ADHFE1: variants seen among roughly 807,000 people sequenced by gnomAD.
ADHFE1 encodes the protein alcohol dehydrogenase iron containing 1, also known as hydroxyacid-oxoacid transhydrogenase, mitochondrial.
A neutral mutation model predicts 54.8 loss-of-function variants in ADHFE1; 37 were observed. The ratio of observed to expected loss-of-function variants is 0.68; its 90% CI spans 0.52 to 0.89. The LOEUF (loss-of-function observed/expected upper bound fraction) is 0.89, where lower values mean the gene tolerates loss of function less well. Ranked by LOEUF, ADHFE1 falls within the 40% of genes least tolerant of loss-of-function variation. The pLI is 0.00. For synonymous variants in ADHFE1, 203 were observed against 229.3 expected, an observed-to-expected ratio of 0.89 and a Z score of 1.04; for missense variants, 601 against 591.2, an observed-to-expected ratio of 1.02 and a Z score of -0.17.
chr8:66,439,564 G>C lies in ADHFE1; in HGVS notation c.60-598G>C. 15 of 986,042 alleles carry C rather than the reference G, an allele frequency of 1.5e-5. No homozygotes were observed. Among genetic ancestry groups the C allele is most frequent in the Non-Finnish European group, 1.8e-5 (15 of 830,366 alleles). The allele number at this position is 986,042 out of a possible 1,614,324, so 61.1% of individuals were successfully genotyped here. A position where few individuals can be genotyped will look rare whatever the true frequency, so the allele number is the denominator to read the frequency against. ...GGGTGTGCGCGCAGCTGGGGCCTCT[G>C]GGGAGCGGCGCGGCGGGGACGGAGG... is the stretch of plus-strand genomic sequence containing the variant. On this transcript the variant is annotated intron_variant, in intron 1 of 13. Coordinates refer to ENST00000396623, the MANE Select transcript of ADHFE1 (RefSeq NM_144650.3). The surrounding 1 kb of genome is among the most constrained non-coding windows in gnomAD (Gnocchi z 4.4).
At chr8:66,446,625 A>G (rs752434762) in intron 6 of ADHFE1, among the ~76,000 whole-genome samples, 1 of 151,924 alleles carries the variant, frequency 6.6e-6, no homozygotes, top group Admixed American at 6.6e-5. Flanking sequence ...GTTAATACAG[A>G]CAGACACCAT....
chr8:66,467,742 G>T (rs1344916177), intron 13 of ADHFE1, among the ~76,000 whole-genome samples: 1 of 152,138 alleles, frequency 6.6e-6, no homozygotes, highest in African/African-American at 2.4e-5. Context: ...AATCATTGGA[G>T]AAATTAACAA....
At chr8:66,434,128 A>C (rs1024108115) in intron 1 of ADHFE1, among the ~76,000 whole-genome samples, 1 of 152,204 alleles carries the variant, frequency 6.6e-6, no homozygotes, top group Non-Finnish European at 1.5e-5. Context: ...AGAAATGCTG[A>C]GAGGTTGGTT....
At chr8:66,457,210 G>A in intron 12 of ADHFE1, 44 bp downstream of exon 12, 1 of 1,574,086 alleles carries the variant, frequency 6.4e-7, no homozygotes, top group African/African-American at 1.4e-5. Context: ...CAGGCACGGT[G>A]GCTCCCATCT....
At chr8:66,457,331 A>G (rs1806639150) in intron 12 of ADHFE1, among the ~76,000 whole-genome samples, 165 bp downstream of exon 12, 1 of 147,280 alleles carries the variant, frequency 6.8e-6, no homozygotes, top group African/African-American at 2.6e-5. Flanking sequence ...AAAAAAAAAT[A>G]GCCGTGTACA....
At chr8:66,459,430 A>ATATATATATATTTT (rs1191407388) in intron 12 of ADHFE1, 1 of 126,808 alleles carries the variant, frequency 7.9e-6, no homozygotes, top group Non-Finnish European at 1.6e-5. Flanking sequence ...ATATATATAT[A>ATATATATATATTTT]TTTTTTTTTT....
intron 1 of ADHFE1, among the ~76,000 whole-genome samples, chr8:66,438,490 A>T (rs142245473): frequency 0.013 from 1,950 of 152,314 alleles, 16 homozygotes; most frequent in Non-Finnish European, 0.021. Flanking sequence ...CCACCTGCCC[A>T]AAAAGGTGTG....
In ADHFE1 at chr8:66,444,596, C is replaced by A; in HGVS notation, c.201C>A (p.Asp67Glu). The change falls in exon 5 of 14, where the codon GAC becomes GAA. Residue 67 changes from aspartate (D) to glutamate (E), a missense_variant and splice_region_variant. Transcript: ENST00000396623. ...GAAVTKEVGM[D>E]LKNMGAKNVC... ...CTAACTTATAGGTTTTCTTGTAGGA[C>A]CTAAAAAACATGGGTGCTAAAAATG... 6.2e-7 allele frequency: 1 copy of A among 1,614,014 alleles called. No homozygotes were observed. The highest frequency in any genetic ancestry group is 8.5e-7 in the Non-Finnish European group (1 of 1,179,994).
chr8:66,446,712 A>C (rs983189909), intron 6 of ADHFE1, among the ~76,000 whole-genome samples: 1 of 152,226 alleles, frequency 6.6e-6, no homozygotes, highest in African/African-American at 2.4e-5. Flanking sequence ...AGACACATAC[A>C]TGCATATTAA....
chr8:66,439,399 C>T lies in ADHFE1; in HGVS notation c.60-763C>T. Reference sequence around the variant, plus strand: ...AGAGAAGCCAGAGGAGAGACTGGGACTGTCCAGGAAATAGGAGACGACCAG... The same window carrying T: ...AGAGAAGCCAGAGGAGAGACTGGGATTGTCCAGGAAATAGGAGACGACCAG... On this transcript the variant is annotated intron_variant, in intron 1 of 13. Transcript: ENST00000396623. This position sits in a 1 kb window ranked among gnomAD's most constrained non-coding sequence, Gnocchi z 4.4. 1.0e-6 allele frequency: 1 copy of T among 985,872 alleles called. No homozygotes were observed. The highest frequency in any genetic ancestry group is 6.1e-5 in the Admixed American group (1 of 16,282). The allele number at this position is 985,872 out of a possible 1,614,324, so 61.1% of individuals were successfully genotyped here.
At chr8:66,459,985 G>A (rs748240106) in intron 12 of ADHFE1, 7 of 272,174 alleles carry the variant, frequency 2.6e-5, no homozygotes, top group Non-Finnish European at 3.5e-5. Context: ...CATAAGCTGT[G>A]TGTTCTTCAA....
At chr8:66,433,706 A>G (rs1805320260) in intron 1 of ADHFE1, among the ~76,000 whole-genome samples, 1 of 152,234 alleles carries the variant, frequency 6.6e-6, no homozygotes, top group Non-Finnish European at 1.5e-5. Flanking sequence ...ATTTGTCACC[A>G]TTAAACACTG....
chr8:66,441,288 G>A (rs1182058854), intron 2 of ADHFE1, among the ~76,000 whole-genome samples: 2 of 152,212 alleles, frequency 1.3e-5, no homozygotes, highest in Non-Finnish European at 2.9e-5. Context: ...CCAGGCTGGA[G>A]TACAGCGGTA....
intron 9 of ADHFE1, among the ~76,000 whole-genome samples, 168 bp downstream of exon 9, chr8:66,452,273 G>A (rs1404638185): frequency 6.6e-6 from 1 of 152,154 alleles, no homozygotes; most frequent in Non-Finnish European, 1.5e-5. Flanking sequence ...GGGACCCAAG[G>A]GACAGGCAGA....
intron 10 of ADHFE1, among the ~76,000 whole-genome samples, chr8:66,454,615 A>G (rs531986717): frequency 1.3e-5 from 2 of 152,258 alleles, no homozygotes; most frequent in African/African-American, 4.8e-5. Flanking sequence ...AGAACATCTT[A>G]TCACCCCAAA....
At chr8:66,436,791 C>T (rs909823845) in intron 1 of ADHFE1, among the ~76,000 whole-genome samples, 33 of 152,110 alleles carry the variant, frequency 2.2e-4, no homozygotes, top group African/African-American at 7.7e-4. Context: ...ACCCCTGAGC[C>T]GTCCAGGGTC....
At chr8:66,460,211 G>T in intron 12 of ADHFE1, 97 bp from the exon 13 acceptor site, 1 of 1,477,276 alleles carries the variant, frequency 6.8e-7, no homozygotes, top group Non-Finnish European at 9.3e-7. Flanking sequence ...GGGAGACCCC[G>T]TGGGTGTGCA....
In ADHFE1 at chr8:66,439,499, G is replaced by T; in HGVS notation, c.60-663G>T. ...GACGTGGGAAATCTGTAGAGAAGTC[G>T]ACCGAGAAGTGAGATGCGGTGGCGA... On this transcript the variant is annotated intron_variant, in intron 1 of 13. Coordinates refer to ENST00000396623, the MANE Select transcript of ADHFE1 (RefSeq NM_144650.3). This position sits in a 1 kb window ranked among gnomAD's most constrained non-coding sequence, Gnocchi z 4.4. The T allele has an allele frequency of 3.6e-5, 35 of 985,828 alleles. No homozygotes were observed. The highest frequency in any genetic ancestry group is 4.1e-5 in the Non-Finnish European group (34 of 830,146). 61.1% of individuals were successfully genotyped at this position (985,828 alleles called of 1,614,324 possible).
chr8:66,448,991 G>A lies in ADHFE1; in HGVS notation c.734+21G>A, dbSNP rs771906232. The A allele has an allele frequency of 5.6e-6, 9 of 1,604,352 alleles. No individual in the cohort carries two copies. In the South Asian group the frequency reaches 9.9e-5, roughly 18 times the overall value. On this transcript the variant is annotated intron_variant, in intron 8 of 13. Coordinates refer to ENST00000396623, the MANE Select transcript of ADHFE1 (RefSeq NM_144650.3). ...CTTTGGTAAGTGCTGGTGCCTCCTG[G>A]AGGGGCTTTTTTAGTACTGGGTCTA...
Sources: gnomAD v4.1 joint callset for allele counts (sites outside exome capture counted in the v4.1 genomes callset) on GRCh38, gnomAD v4.1.1 for gene constraint, Gnocchi (gnomAD v3.1) non-coding constraint, MANE v1.5 for transcripts, NCBI Gene and HGNC (gene_info 2026-07-23, HGNC 2026-07-21) for gene names.